The following OTOGL variants were observed in gnomAD, a reference collection of about 807,000 sequenced individuals.
OTOGL encodes the protein otogelin like.
In OTOGL, 285 loss-of-function variants were observed where a neutral mutation model predicts 318.5. That is an observed-to-expected ratio of 0.89 (90% CI 0.81 to 0.99). OTOGL has a LOEUF of 0.99. OTOGL is among the 50% of genes least tolerant of loss of function. OTOGL has a pLI of 0.00. For synonymous variants in OTOGL, 987 were observed against 936.5 expected, an observed-to-expected ratio of 1.05 and a Z score of -0.99; for missense variants, 2,899 against 2,845.6, an observed-to-expected ratio of 1.02 and a Z score of -0.43.
chr12:80,226,558 A>T (rs1297987180), intron 7 of OTOGL, among the ~76,000 whole-genome samples: 5 of 152,050 alleles, frequency 3.3e-5, no homozygotes, highest in Non-Finnish European at 7.4e-5. Context: ...AATCCAGACT[A>T]GTTGCTTTTG....
At chr12:80,349,130 G>C (rs1889384605) in intron 44 of OTOGL, among the ~76,000 whole-genome samples, 1 of 151,918 alleles carries the variant, frequency 6.6e-6, no homozygotes, top group South Asian at 2.1e-4. Context: ...TAAATCGTGT[G>C]CATCATCAGA....
intron 23 of OTOGL, among the ~76,000 whole-genome samples, chr12:80,271,123 G>A (rs535554714): frequency 5.3e-5 from 8 of 152,112 alleles, no homozygotes; most frequent in Non-Finnish European, 1.2e-4. Flanking sequence ...AGGGTGACTC[G>A]CCCCCATTTG....
intron 35 of OTOGL, among the ~76,000 whole-genome samples, chr12:80,324,813 T>C (rs1455060739): frequency 1.3e-5 from 2 of 152,212 alleles, no homozygotes; most frequent in South Asian, 2.1e-4. Flanking sequence ...AGTTTTGCCA[T>C]TTTTGGTAGC....
Position 80,254,557 on chromosome 12 carries a change from G to A in OTOGL, c.1428G>A (p.Glu476=). 6.2e-7 allele frequency: 1 copy of A among 1,607,284 alleles called. No homozygotes were observed. Among genetic ancestry groups the A allele is most frequent in the Non-Finnish European group, 8.5e-7 (1 of 1,175,408 alleles). ...VCVGGVWNCT[E]QDCPVQCSVV... is the part of the protein sequence containing the mutation. ...TTGGTGGAGTTTGGAACTGCACTGA[G>A]CAAGACTGTCCAGGTAATTTTTTAA... Residue 476 remains glutamate, a synonymous_variant, in exon 15 of 59, where the codon GAG becomes GAA. Transcript: ENST00000547103.
intron 1 of OTOGL, among the ~76,000 whole-genome samples, chr12:80,134,545 A>G (rs914422887): frequency 1.2e-4 from 18 of 152,164 alleles, no homozygotes; most frequent in African/African-American, 4.3e-4. Context: ...TTTTGCACAA[A>G]ATATGTCTTC....
chr12:80,208,174 G>T lies in OTOGL; in HGVS notation c.-19-1239G>T, dbSNP rs145307742. On this transcript the variant is annotated intron_variant, in intron 1 of 58. Coordinates refer to ENST00000547103, the MANE Select transcript of OTOGL (RefSeq NM_001378609.3). The stretch of plus-strand genomic sequence containing the variant: ...TTTCCTTTATAGACAAACATCTGTT[G>T]GCTCATGGAATTAGCTATTATTTCG... The T allele has an allele frequency of 2.9e-4, 147 of 514,578 alleles. No homozygotes were observed. The East Asian group carries it at 7.6e-3, about 27-fold the overall frequency. The allele number at this position is 514,578 out of a possible 1,614,324, so 31.9% of individuals were successfully genotyped here.
intron 35 of OTOGL, among the ~76,000 whole-genome samples, chr12:80,327,723 G>T (rs10862091): frequency 0.45 from 68,511 of 150,630 alleles, 16,720 homozygotes; most frequent in African/African-American, 0.64. Flanking sequence ...ACTTTGGGAA[G>T]CTGAGACGGG....
chr12:80,167,621 C>T (rs1334225921), intron 1 of OTOGL, among the ~76,000 whole-genome samples: 1 of 151,826 alleles, frequency 6.6e-6, no homozygotes, highest in African/African-American at 2.4e-5. Context: ...TTCATCTGGC[C>T]AAAAATTATT....
At chr12:80,197,407 G>A (rs925617805) in intron 1 of OTOGL, among the ~76,000 whole-genome samples, 9 of 152,088 alleles carry the variant, frequency 5.9e-5, no homozygotes, top group Non-Finnish European at 2.9e-5. Flanking sequence ...TTGCATTTTA[G>A]TAGAGACAGG....
At chr12:80,152,316 G>C (rs147806504) in intron 1 of OTOGL, among the ~76,000 whole-genome samples, 70 of 152,232 alleles carry the variant, frequency 4.6e-4, no homozygotes, top group Non-Finnish European at 9.3e-4. Flanking sequence ...TGTTCAATGA[G>C]TTGAAAGAGG....
intron 1 of OTOGL, among the ~76,000 whole-genome samples, chr12:80,198,256 A>G (rs1876218010): frequency 1.3e-5 from 2 of 152,120 alleles, no homozygotes; most frequent in South Asian, 4.1e-4. Flanking sequence ...TGTGTCTTCA[A>G]TATCTCCCTA....
chr12:80,189,374 A>T (rs1278176670), intron 1 of OTOGL: 1 of 942,492 alleles, frequency 1.1e-6, no homozygotes. Context: ...TCTGAGTAAA[A>T]CAAAGAGAAT....
chr12:80,218,256 A>G (rs1453008408), intron 5 of OTOGL, among the ~76,000 whole-genome samples: 1 of 152,244 alleles, frequency 6.6e-6, no homozygotes, highest in Non-Finnish European at 1.5e-5. Context: ...CTGCATTTAA[A>G]TTTATGAAAA....
intron 1 of OTOGL, among the ~76,000 whole-genome samples, chr12:80,106,230 T>C (rs1869445754): frequency 6.6e-6 from 1 of 152,208 alleles, no homozygotes; most frequent in Admixed American, 6.5e-5. Context: ...CTTAGCAGAT[T>C]TATCTTCTCT....
chr12:80,233,468 G>T (rs981076480), intron 9 of OTOGL, among the ~76,000 whole-genome samples: 8 of 152,156 alleles, frequency 5.3e-5, no homozygotes, highest in African/African-American at 1.2e-4. Context: ...ACCCATTTGG[G>T]TCAGATATGT....
rs1304502527 is a variant in OTOGL at position 80,358,654 on chromosome 12, G to C, written c.6122-17G>C. The C allele has an allele frequency of 1.3e-6, 2 of 1,557,992 alleles. No homozygotes were observed. The highest frequency in any genetic ancestry group is 1.8e-6 in the Non-Finnish European group (2 of 1,132,926). ...CTCTATAAAATTCATCTTTACCCAT[G>C]TAATTTTTCTTTTTAGTATGTGAAC... On this transcript the variant is annotated splice_polypyrimidine_tract_variant and intron_variant, in intron 50 of 58. Coordinates refer to ENST00000547103, the MANE Select transcript of OTOGL (RefSeq NM_001378609.3).
chr12:80,149,750 G>A (rs1872656020), intron 1 of OTOGL, among the ~76,000 whole-genome samples: 1 of 152,248 alleles, frequency 6.6e-6, no homozygotes, highest in Non-Finnish European at 1.5e-5. Context: ...TCCAAGCCAG[G>A]TGTGGGATAT....
intron 11 of OTOGL, among the ~76,000 whole-genome samples, chr12:80,246,048 T>C (rs1452348302): frequency 6.6e-6 from 1 of 151,190 alleles, no homozygotes; most frequent in Non-Finnish European, 1.5e-5. Context: ...CTTACCAGCT[T>C]AAGGAGATTT....
chr12:80,270,080 TTAAC>T lies in OTOGL; in HGVS notation c.2466-19_2466-16del, dbSNP rs747739630. ...AAAACAACAGATTTGGTTCCATAAA[TTAAC>T]TATTTATTTACTTCTAGCCAGTGTT... On this transcript the variant is annotated intron_variant, in intron 22 of 58. Coordinates refer to ENST00000547103, the MANE Select transcript of OTOGL (RefSeq NM_001378609.3). 3 of 1,548,702 alleles carry T rather than the reference TTAAC, an allele frequency of 1.9e-6. No homozygotes were observed. The highest frequency in any genetic ancestry group is 2.6e-6 in the Non-Finnish European group (3 of 1,134,408).
Sources: allele counts gnomAD v4.1 joint callset (sites outside exome capture counted in the v4.1 genomes callset), GRCh38; gene constraint gnomAD v4.1.1; transcripts MANE v1.5; gene names NCBI Gene and HGNC (gene_info 2026-07-23, HGNC 2026-07-21).